Variants in PRSS1 observed in about 807,000 individuals in gnomAD.
The protein encoded by PRSS1 is serine protease 1, also known as TCR V beta 4.1.
PRSS1 carries 22 observed loss-of-function variants against 24.2 expected under a neutral mutation model. That is an observed-to-expected ratio of 0.91 (90% CI 0.65 to 1.30). PRSS1 has a LOEUF of 1.30. Among genes scored for constraint, PRSS1 ranks in the 50% most tolerant of loss-of-function variants. PRSS1 has a pLI of 0.00. For missense variants in PRSS1, 366 were observed against 304.2 expected, an observed-to-expected ratio of 1.20 and a Z score of -1.51; for synonymous variants, 126 against 116.1, an observed-to-expected ratio of 1.08 and a Z score of -0.55.
chr7:142,751,705 C>G (rs751908621), intron 2 of PRSS1, 69 bp from the exon 3 acceptor site: 2 of 1,613,942 alleles, frequency 1.2e-6, no homozygotes, highest in East Asian at 4.5e-5. Context: ...GCTTGAGGAA[C>G]CTGGGGAAGG....
Position 142,752,582 on chromosome 7 carries a change from C to T in PRSS1, c.591+15C>T, listed in dbSNP as rs749821249. 1.9e-6 allele frequency: 3 copies of T among 1,614,134 alleles called. No homozygotes were observed. The highest frequency in any genetic ancestry group is 2.5e-6 in the Non-Finnish European group (3 of 1,180,022). On this transcript the variant is annotated intron_variant, in intron 4 of 4. Coordinates refer to ENST00000311737, the MANE Select transcript of PRSS1 (RefSeq NM_002769.5). ...ATTCATGTCAGGTGATTTGACCAACCCTTCCCATGCTGAGGCTCCCACTGA... is the reference window on the plus strand; with the variant it reads ...ATTCATGTCAGGTGATTTGACCAACTCTTCCCATGCTGAGGCTCCCACTGA...
At chr7:142,751,244 T>C in intron 2 of PRSS1, 1 of 621,570 alleles carries the variant, frequency 1.6e-6, no homozygotes, top group Non-Finnish European at 2.9e-6. Context: ...CACAAATCAC[T>C]GGGCCCCTTC....
chr7:142,752,772 C>A, intron 4 of PRSS1, 96 bp from the exon 5 acceptor site: 1 of 1,531,612 alleles, frequency 6.5e-7, no homozygotes, highest in Non-Finnish European at 9.0e-7. Flanking sequence ...CATGGAGCCA[C>A]AGAGCTGGCT....
At chr7:142,751,711 G>T (rs752737467) in intron 2 of PRSS1, 63 bp from the exon 3 acceptor site, 1 of 1,614,052 alleles carries the variant, frequency 6.2e-7, no homozygotes, top group Admixed American at 1.7e-5. Flanking sequence ...GGAACCTGGG[G>T]AAGGTGGGAT....
rs1798877615 is a variant in PRSS1 at position 142,752,926 on chromosome 7, G to T, written c.650G>T (p.Gly217Val). 2 of 1,613,804 alleles carry T rather than the reference G, an allele frequency of 1.2e-6. No homozygotes were observed. Among genetic ancestry groups the T allele is most frequent in the Middle Eastern group, 1.6e-4 (1 of 6,062 alleles). ...NGQLQGVVSW[G>V]DGCAQKNKPG... ...CAGCTCCAAGGAGTTGTCTCCTGGGGTGATGGCTGTGCCCAGAAGAACAAG... is the reference window on the plus strand; with the variant it reads ...CAGCTCCAAGGAGTTGTCTCCTGGGTTGATGGCTGTGCCCAGAAGAACAAG... Residue 217 changes from glycine (G) to valine (V), a missense_variant, in exon 5 of 5, where the codon GGT becomes GTT. By Grantham distance (109) the Gly-to-Val change is moderately radical (BLOSUM62 -3). Coordinates refer to ENST00000311737, the MANE Select transcript of PRSS1 (RefSeq NM_002769.5).
chr7:142,750,625 C>A lies in PRSS1; in HGVS notation c.111C>A (p.Tyr37Ter). The A allele has an allele frequency of 1.2e-6, 2 of 1,614,054 alleles. No individual in the cohort carries two copies. The highest frequency in any genetic ancestry group is 2.2e-5 in the East Asian group (1 of 44,888). The change falls in exon 2 of 5, where the codon TAC becomes TAA. Residue 37 changes from tyrosine (Y) to a stop codon, truncating the protein, a stop_gained. Transcript: ENST00000311737. LOFTEE classifies it high-confidence loss of function. ...ACTGTGAGGAGAATTCTGTCCCCTA[C>A]CAGGTGTCCCTGAATTCTGGCTACC... Reference protein sequence around the residue: ...GYNCEENSVPYQVSLNSGYHF... With the variant: ...GYNCEENSVP
chr7:142,752,110 C>T (rs1015736669), intron 3 of PRSS1, 83 bp downstream of exon 3: 56 of 1,590,292 alleles, frequency 3.5e-5, no homozygotes, highest in Non-Finnish European at 4.6e-5. Context: ...TGAATCCTCT[C>T]ACCTCCAGGC....
chr7:142,750,681 A>G lies in PRSS1; in HGVS notation c.167A>G (p.Gln56Arg), dbSNP rs1338095991. The part of the protein sequence containing the change: ...HFCGGSLINE[Q>R]WVVSAGHCYK... ...TGTGGTGGCTCCCTCATCAACGAAC[A>G]GTGGGTGGTATCAGCAGGCCACTGC... Residue 56 changes from glutamine (Q) to arginine (R), a missense_variant, in exon 2 of 5, where the codon CAG becomes CGG. Physicochemically the swap from Gln to Arg is conservative, Grantham distance 43 (BLOSUM62 1). Coordinates refer to ENST00000311737, the MANE Select transcript of PRSS1 (RefSeq NM_002769.5). The G allele has an allele frequency of 6.2e-7, 1 of 1,613,900 alleles. No individual in the cohort carries two copies. The highest frequency in any genetic ancestry group is 8.5e-7 in the Non-Finnish European group (1 of 1,179,848).
chr7:142,752,398 C>A, intron 3 of PRSS1, 33 bp from the exon 4 acceptor site: 1 of 1,612,004 alleles, frequency 6.2e-7, no homozygotes, highest in Non-Finnish European at 8.5e-7. Flanking sequence ...ACCCACATTT[C>A]TACTTCCTTT....
chr7:142,751,680 G>T lies in PRSS1; in HGVS notation c.201-94G>T, dbSNP rs566017309. ...CACCCCACCCCATGCCTCCAGAGCT[G>T]TCCATGAGCAGAGAGCTTGAGGAAC... On this transcript the variant is annotated intron_variant, in intron 2 of 4. Transcript: ENST00000311737. 150 of 1,611,950 alleles carry T rather than the reference G, an allele frequency of 9.3e-5. 1 individual carries two copies. In the Middle Eastern group the frequency reaches 1.0e-3, roughly 11 times the overall value.
rs574391339 is a variant in PRSS1 at position 142,752,928 on chromosome 7, G to A, written c.652G>A (p.Asp218Asn). The A allele has an allele frequency of 2.0e-6, 3 of 1,514,948 alleles. No homozygotes were observed. In the East Asian group the frequency reaches 7.1e-5, roughly 36 times the overall value. The allele number at this position is 1,514,948 out of a possible 1,614,324, so 93.8% of individuals were successfully genotyped here. A position where few individuals can be genotyped will look rare whatever the true frequency, so the allele number is the denominator to read the frequency against. The change falls in exon 5 of 5, where the codon GAT becomes AAT. Residue 218 changes from aspartate (D) to asparagine (N), a missense_variant. Transcript: ENST00000311737. The part of the protein sequence containing the change: ...GQLQGVVSWG[D>N]GCAQKNKPGV... ...GCTCCAAGGAGTTGTCTCCTGGGGT[G>A]ATGGCTGTGCCCAGAAGAACAAGCC...
At chr7:142,752,055 T>C in intron 3 of PRSS1, 28 bp downstream of exon 3, 1 of 1,613,826 alleles carries the variant, frequency 6.2e-7, no homozygotes, top group Non-Finnish European at 8.5e-7. Flanking sequence ...TCCTTCTACT[T>C]CCCTCCATCC....
At chr7:142,752,811 A>T in intron 4 of PRSS1, 57 bp from the exon 5 acceptor site, 6 of 1,591,626 alleles carry the variant, frequency 3.8e-6, no homozygotes, top group Non-Finnish European at 5.2e-6. Flanking sequence ...GTTCAGAGTA[A>T]ATGTAGCTAT....
At position 142,752,046 on chromosome 7, in the gene PRSS1, C is replaced by T; in HGVS notation, c.454+19C>T. 1 of 1,614,020 alleles carries T rather than the reference C, an allele frequency of 6.2e-7. No homozygotes were observed. Among genetic ancestry groups the T allele is most frequent in the Non-Finnish European group, 8.5e-7 (1 of 1,179,988 alleles). On this transcript the variant is annotated intron_variant, in intron 3 of 4. Coordinates refer to ENST00000311737, the MANE Select transcript of PRSS1 (RefSeq NM_002769.5). Reference sequence around the variant, plus strand: ...TCTGGCGGTGAGTGGGACCCTTAGTCCTTCTACTTCCCTCCATCCTCACAA... The same window carrying T: ...TCTGGCGGTGAGTGGGACCCTTAGTTCTTCTACTTCCCTCCATCCTCACAA...
intron 2 of PRSS1, 131 bp from the exon 3 acceptor site, chr7:142,751,643 G>A (rs567396788): frequency 1.3e-5 from 20 of 1,551,584 alleles, no homozygotes; most frequent in South Asian, 4.6e-5. Flanking sequence ...CTGCCCATGC[G>A]ATATGGCCAC....
chr7:142,750,693 C>T lies in PRSS1; in HGVS notation c.179C>T (p.Ser60Leu). ...CTCATCAACGAACAGTGGGTGGTAT[C>T]AGCAGGCCACTGCTACAAGTCGTAA... Reference protein sequence around the residue: ...GSLINEQWVVSAGHCYKSRIQ... With the variant: ...GSLINEQWVVLAGHCYKSRIQ... Residue 60 changes from serine to leucine, a missense_variant, in exon 2 of 5, where the codon TCA becomes TTA. Coordinates refer to ENST00000311737, the MANE Select transcript of PRSS1 (RefSeq NM_002769.5). The T allele has an allele frequency of 1.2e-6, 2 of 1,613,974 alleles. No individual in the cohort carries two copies. Among genetic ancestry groups the T allele is most frequent in the Non-Finnish European group, 1.7e-6 (2 of 1,179,858 alleles).
chr7:142,750,695 G>A lies in PRSS1; in HGVS notation c.181G>A (p.Ala61Thr). The A allele has an allele frequency of 6.2e-7, 1 of 1,613,928 alleles. No homozygotes were observed. The change falls in exon 2 of 5, where the codon GCA becomes ACA. Residue 61 changes from alanine (A) to threonine (T), a missense_variant. By Grantham distance (58) the Ala-to-Thr change is moderately conservative. Coordinates refer to ENST00000311737, the MANE Select transcript of PRSS1 (RefSeq NM_002769.5). ...SLINEQWVVS[A>T]GHCYKSRIQV... The stretch of plus-strand genomic sequence containing the variant: ...CATCAACGAACAGTGGGTGGTATCA[G>A]CAGGCCACTGCTACAAGTCGTAAGT...
At chr7:142,750,737 C>G in intron 2 of PRSS1, 23 bp downstream of exon 2, 1 of 1,613,822 alleles carries the variant, frequency 6.2e-7, no homozygotes, top group Non-Finnish European at 8.5e-7. Context: ...CCCCCGACTG[C>G]AAAGCTCCCG....
At chr7:142,750,869 T>C (rs1011316065) in intron 2 of PRSS1, 155 bp downstream of exon 2, 23 of 1,128,298 alleles carry the variant, frequency 2.0e-5, no homozygotes, top group African/African-American at 3.1e-5. Context: ...GAGCAGAGAG[T>C]GAACACAAGA....
Sources: gnomAD v4.1 joint callset for allele counts on GRCh38, gnomAD v4.1.1 for gene constraint, MANE v1.5 for transcripts, NCBI Gene and HGNC (gene_info 2026-07-23, HGNC 2026-07-21) for gene names.